Variants in HSD17B12 observed in about 807,000 individuals in gnomAD.
HSD17B12 encodes the protein very-long-chain 3-oxoacyl-CoA reductase.
A neutral mutation model predicts 39.3 loss-of-function variants in HSD17B12; 32 were observed. The ratio of observed to expected loss-of-function variants is 0.81; its 90% CI spans 0.61 to 1.09. HSD17B12 has a LOEUF of 1.09. Among genes scored for constraint, HSD17B12 ranks in the 50% least tolerant of loss-of-function variants. The probability of loss-of-function intolerance (pLI) is 0.00; values close to 1 mark genes in which losing one functional copy is unlikely to be tolerated. For missense variants in HSD17B12, 342 were observed against 382.9 expected (o/e 0.89, Z 0.89); for synonymous variants, 150 against 146.7 (o/e 1.02, Z -0.16).
intron 1 of HSD17B12, among the ~76,000 whole-genome samples, chr11:43,744,803 G>C (rs924767043): frequency 1.3e-5 from 2 of 152,208 alleles, no homozygotes; most frequent in Non-Finnish European, 2.9e-5. Context: ...TTGAGCAGAG[G>C]GAGAAATTGA....
chr11:43,803,537 G>T (rs1458413532), intron 4 of HSD17B12, among the ~76,000 whole-genome samples: 2 of 151,998 alleles, frequency 1.3e-5, no homozygotes, highest in Non-Finnish European at 2.9e-5. Context: ...AATCACCAGG[G>T]TACACCCCAT....
At chr11:43,825,343 G>C (rs1308984519) in intron 6 of HSD17B12, among the ~76,000 whole-genome samples, 1 of 152,146 alleles carries the variant, frequency 6.6e-6, no homozygotes, top group Non-Finnish European at 1.5e-5. Context: ...TAAAAGTTTA[G>C]ATGAATGGAC....
the HSD17B12 span, among the ~76,000 whole-genome samples, chr11:43,581,078 G>A: frequency 1.3e-5 from 2 of 152,130 alleles, no homozygotes; most frequent in Admixed American, 6.5e-5. The surrounding 1 kb of genome is among the most constrained non-coding windows in gnomAD (Gnocchi z 4.9). Flanking sequence ...GAGATAGAGG[G>A]ATAGGACAGG....
At chr11:43,576,143 C>A in the HSD17B12 span, among the ~76,000 whole-genome samples, 1 of 152,102 alleles carries the variant, frequency 6.6e-6, no homozygotes, top group Non-Finnish European at 1.5e-5. Context: ...GCCTTCTGCT[C>A]GGGGAGACTG....
chr11:43,689,380 T>TTGATTCTCACACAGCCACAG (rs1565049039), intron 1 of HSD17B12, among the ~76,000 whole-genome samples: 1 of 152,176 alleles, frequency 6.6e-6, no homozygotes, highest in Non-Finnish European at 1.5e-5. Flanking sequence ...TCTCCTGCAG[T>TTGATTCTCACACAGCCACAG]TGATTCTCAC....
chr11:43,798,217 G>C, intron 3 of HSD17B12, 103 bp from the exon 4 acceptor site: 1 of 673,454 alleles, frequency 1.5e-6, no homozygotes, highest in Non-Finnish European at 2.6e-6. Flanking sequence ...CAAATTGGGT[G>C]GGGAGAAACG....
the HSD17B12 span, among the ~76,000 whole-genome samples, chr11:43,582,491 T>A: frequency 6.6e-6 from 1 of 152,130 alleles, no homozygotes; most frequent in African/African-American, 2.4e-5. Flanking sequence ...GCCCTTGCCC[T>A]TAGGGACTGG....
intron 6 of HSD17B12, among the ~76,000 whole-genome samples, chr11:43,817,495 C>T (rs1951141354): frequency 6.6e-6 from 1 of 152,168 alleles, no homozygotes; most frequent in African/African-American, 2.4e-5. Context: ...AAATTTAAGT[C>T]CTTGATCCAT....
the HSD17B12 span, among the ~76,000 whole-genome samples, chr11:43,578,165 G>A: frequency 6.6e-6 from 1 of 152,232 alleles, no homozygotes; most frequent in African/African-American, 2.4e-5. Context: ...CAGGTCTGCA[G>A]TAAGATTTGT....
At chr11:43,608,083 A>C in the HSD17B12 span, among the ~76,000 whole-genome samples, 1 of 152,216 alleles carries the variant, frequency 6.6e-6, no homozygotes, top group African/African-American at 2.4e-5. Context: ...AAAAGTAAAA[A>C]TAAGGCCAGG....
At chr11:43,582,664 C>T in the HSD17B12 span, among the ~76,000 whole-genome samples, 2 of 152,046 alleles carry the variant, frequency 1.3e-5, no homozygotes, top group Admixed American at 1.3e-4. Context: ...TTCCAACAAA[C>T]TAAACGCCCA....
intron 3 of HSD17B12, among the ~76,000 whole-genome samples, chr11:43,756,415 C>T (rs1950508306): frequency 6.6e-6 from 1 of 152,026 alleles, no homozygotes; most frequent in Admixed American, 6.6e-5. Flanking sequence ...CTGAATTAAG[C>T]CATGACACTA....
At chr11:43,673,500 T>TTTTTTTTC in the HSD17B12 span, 1 of 151,872 alleles carries the variant, frequency 6.6e-6, no homozygotes, top group Non-Finnish European at 1.4e-5. Flanking sequence ...TTCTTTTTTT[T>TTTTTTTTC]TTTTTTTTTT....
chr11:43,663,873 T>C, the HSD17B12 span, among the ~76,000 whole-genome samples: 5 of 151,878 alleles, frequency 3.3e-5, no homozygotes, highest in African/African-American at 1.2e-4. Context: ...TTTTATTATT[T>C]TTTTTTTGAG....
chr11:43,798,011 T>C (rs1950929972), intron 3 of HSD17B12, among the ~76,000 whole-genome samples: 1 of 152,200 alleles, frequency 6.6e-6, no homozygotes, highest in South Asian at 2.1e-4. Context: ...ATATGAATCA[T>C]GTTTTATTAT....
At chr11:43,652,381 T>G in the HSD17B12 span, among the ~76,000 whole-genome samples, 2 of 152,176 alleles carry the variant, frequency 1.3e-5, no homozygotes, top group Admixed American at 6.5e-5. Context: ...TGTTACCAAA[T>G]GTGTGGAGAT....
chr11:43,690,566 A>G (rs1234912623), intron 1 of HSD17B12, among the ~76,000 whole-genome samples: 1 of 150,578 alleles, frequency 6.6e-6, no homozygotes, highest in Non-Finnish European at 1.5e-5. Context: ...ATATTAAGGG[A>G]TAATGATTTT....
At chr11:43,628,808 T>A in the HSD17B12 span, among the ~76,000 whole-genome samples, 2 of 151,748 alleles carry the variant, frequency 1.3e-5, no homozygotes, top group Non-Finnish European at 2.9e-5. Context: ...ATTAAATTAT[T>A]TTTATAAAAA....
chr11:43,572,335 T>C, the HSD17B12 span, among the ~76,000 whole-genome samples: 1 of 152,188 alleles, frequency 6.6e-6, no homozygotes, highest in Non-Finnish European at 1.5e-5. Context: ...ATCTATTCGC[T>C]AACAGGCTTC....
Sources: allele counts gnomAD v4.1 joint callset (sites outside exome capture counted in the v4.1 genomes callset), GRCh38; gene constraint gnomAD v4.1.1; non-coding constraint Gnocchi (gnomAD v3.1); transcripts MANE v1.5; gene names NCBI Gene and HGNC (gene_info 2026-07-23, HGNC 2026-07-21).